The following HEATR5B variants were observed in gnomAD, a reference collection of about 807,000 sequenced individuals.
The protein encoded by HEATR5B is HEAT repeat containing 5B.
HEATR5B carries 156 observed loss-of-function variants against 224.1 expected under a neutral mutation model. The observed-to-expected ratio is 0.70, with a 90% CI of 0.61 to 0.80. The LOEUF is 0.80. Ranked by LOEUF, HEATR5B falls within the 30% of genes least tolerant of loss-of-function variation. The pLI, the probability that HEATR5B is intolerant of heterozygous loss-of-function variation, is 0.00. For synonymous variants in HEATR5B, 1,027 were observed against 893.0 expected, an observed-to-expected ratio of 1.15 and a Z score of -2.68; for missense variants, 2,323 against 2,535.5, an observed-to-expected ratio of 0.92 and a Z score of 1.80.
At chr2:36,989,712 AG>A (rs532208419) in intron 34 of HEATR5B, among the ~76,000 whole-genome samples, 281 of 152,232 alleles carry the variant, frequency 1.8e-3, no homozygotes, top group African/African-American at 6.4e-3. Context: ...GAAGAGAGGG[AG>A]GGAAGTCCCA....
chr2:37,005,302 A>C (rs1667342154), intron 30 of HEATR5B, among the ~76,000 whole-genome samples: 1 of 152,154 alleles, frequency 6.6e-6, no homozygotes, highest in Non-Finnish European at 1.5e-5. Flanking sequence ...CACTCTGAGA[A>C]ACCATCCTTT....
At chr2:36,994,886 G>T (rs1389642066) in intron 33 of HEATR5B, among the ~76,000 whole-genome samples, 3 of 151,880 alleles carry the variant, frequency 2.0e-5, no homozygotes, top group Non-Finnish European at 4.4e-5. Context: ...GAGTAGCTGG[G>T]ATTACAGGTG....
In HEATR5B at chr2:37,058,499, A is replaced by C; in HGVS notation, c.2011T>G (p.Leu671Val). ...AAAGCCAAGATATCATAAAGTCTTA[A>C]ACGGACCATTGCAGCACTAGCTTTC... ...HLKASAAMVR[L>V]RLYDILALLP... The change falls in exon 14 of 36, where the codon TTA becomes GTA. Residue 671 changes from leucine to valine, a missense_variant. Leu to Val is a conservative substitution (Grantham distance 32, BLOSUM62 1). Coordinates refer to ENST00000233099, the MANE Select transcript of HEATR5B (RefSeq NM_019024.3). 1 of 1,613,524 alleles carries C rather than the reference A, an allele frequency of 6.2e-7. No individual in the cohort carries two copies.
At chr2:37,019,031 G>A (rs1274442575) in intron 26 of HEATR5B, among the ~76,000 whole-genome samples, 4 of 151,946 alleles carry the variant, frequency 2.6e-5, no homozygotes, top group African/African-American at 9.7e-5. Context: ...GTGGTGGCGG[G>A]CACCTAATCC....
chr2:37,025,636 T>C (rs898697441), intron 24 of HEATR5B, among the ~76,000 whole-genome samples: 1 of 151,164 alleles, frequency 6.6e-6, no homozygotes, highest in Non-Finnish European at 1.5e-5. Context: ...AGATTACTAA[T>C]GAAGGCAGAA....
chr2:36,983,231 G>A (rs1044098636), intron 35 of HEATR5B, among the ~76,000 whole-genome samples: 1 of 152,034 alleles, frequency 6.6e-6, no homozygotes, highest in Non-Finnish European at 1.5e-5. Context: ...CATGTACAAT[G>A]TTAATAGTAT....
intron 30 of HEATR5B, 103 bp from the exon 31 acceptor site, chr2:37,003,789 G>C: frequency 1.3e-6 from 1 of 765,296 alleles, no homozygotes; most frequent in Non-Finnish European, 1.9e-6. Context: ...AAGAAATCAG[G>C]TAGCTAAAAT....
chr2:37,068,216 G>A (rs1231035702), intron 8 of HEATR5B, among the ~76,000 whole-genome samples: 3 of 152,130 alleles, frequency 2.0e-5, no homozygotes, highest in Admixed American at 6.6e-5. Flanking sequence ...AGAATTTCTT[G>A]TAATTATGTA....
chr2:37,010,613 A>G (rs1333355158), intron 27 of HEATR5B, among the ~76,000 whole-genome samples: 1 of 151,828 alleles, frequency 6.6e-6, no homozygotes. Flanking sequence ...TCCCGGGTTC[A>G]AGTGATTCTC....
At chr2:37,049,579 A>G (rs1670409469) in intron 18 of HEATR5B, 74 bp downstream of exon 18, 1 of 1,312,850 alleles carries the variant, frequency 7.6e-7, no homozygotes, top group Non-Finnish European at 1.1e-6. Context: ...TGGAAAACAT[A>G]AACTCCAGTT....
chr2:37,073,933 G>A (rs1030078695), intron 5 of HEATR5B, among the ~76,000 whole-genome samples: 9 of 152,206 alleles, frequency 5.9e-5, no homozygotes, highest in African/African-American at 2.2e-4. Flanking sequence ...AAACAGCACA[G>A]AGAGTCCAAA....
At chr2:37,059,336 C>T (rs1671106670) in intron 12 of HEATR5B, among the ~76,000 whole-genome samples, 2 of 136,212 alleles carry the variant, frequency 1.5e-5, no homozygotes, top group African/African-American at 2.8e-5. Flanking sequence ...ATAAACAATG[C>T]CTTAAAATTT....
At position 37,065,779 on chromosome 2, in the gene HEATR5B, G is replaced by C. The variant is rs1421985990; in HGVS notation, c.1309C>G (p.Pro437Ala). Residue 437 changes from proline to alanine, a missense_variant, in exon 9 of 36, where the codon CCT (proline) becomes GCT (alanine). By Grantham distance (27) the Pro-to-Ala change is conservative. This residue lies in a region of HEATR5B where 502 missense variants were observed against 517.8 expected (regional missense o/e 0.97). Transcript: ENST00000233099. ...LVQSLNATAS[P>A]LIQEASIGLL... ...CCTATAGATGCTTCTTGAATAAGAG[G>C]GGATGCGGTGGCATTCAAGCTCTGC... is the stretch of plus-strand genomic sequence containing the variant. 6.2e-7 allele frequency: 1 copy of C among 1,613,636 alleles called. No homozygotes were observed. The highest frequency in any genetic ancestry group is 8.5e-7 in the Non-Finnish European group (1 of 1,179,718).
intron 26 of HEATR5B, among the ~76,000 whole-genome samples, chr2:37,018,962 C>G (rs887361757): frequency 6.6e-6 from 1 of 152,000 alleles, no homozygotes; most frequent in Non-Finnish European, 1.5e-5. Context: ...GGGTTTGAGA[C>G]CAGCCTGACC....
At chr2:37,061,770 T>C (rs954059762) in intron 11 of HEATR5B, among the ~76,000 whole-genome samples, 169 bp downstream of exon 11, 2 of 152,216 alleles carry the variant, frequency 1.3e-5, no homozygotes, top group Admixed American at 6.5e-5. Context: ...AAGCAATAAT[T>C]ACCAAAAAGA....
intron 27 of HEATR5B, among the ~76,000 whole-genome samples, chr2:37,013,213 T>C (rs1473378716): frequency 2.0e-5 from 3 of 152,144 alleles, no homozygotes; most frequent in South Asian, 2.1e-4. Flanking sequence ...ACCACGAAAA[T>C]AGGGAAGTGA....
Position 36,995,429 on chromosome 2 carries a change from T to C in HEATR5B, c.5546-4630A>G, listed in dbSNP as rs1666632947. On this transcript the variant is annotated intron_variant, in intron 33 of 35. Coordinates refer to ENST00000233099, the MANE Select transcript of HEATR5B (RefSeq NM_019024.3). The stretch of plus-strand genomic sequence containing the variant: ...CACATATACATATATAAATATGGCT[T>C]TTAATGTTTCTTCAGTTTGTTAAAA... Among the ~76,000 whole-genome samples, 4 of 152,288 alleles carry C rather than the reference T, an allele frequency of 2.6e-5. No homozygotes were observed. In the South Asian group the frequency reaches 8.3e-4, roughly 32 times the overall value.
intron 22 of HEATR5B, among the ~76,000 whole-genome samples, chr2:37,030,156 AG>A (rs1669036186): frequency 6.6e-6 from 1 of 152,122 alleles, no homozygotes; most frequent in Non-Finnish European, 1.5e-5. Context: ...TGAACCCTGA[AG>A]GGAGTAAGAC....
rs1415999377 is a variant in HEATR5B at position 37,000,578 on chromosome 2, T to C, written c.5545+8A>G. On this transcript the variant is annotated splice_region_variant and intron_variant, in intron 33 of 35. Transcript: ENST00000233099. The stretch of plus-strand genomic sequence containing the variant: ...AACTAACTAAAACGTTTAAAACTGA[T>C]AGGTTACCTGGTTGAGAATATTCCA... 5 of 1,610,956 alleles carry C rather than the reference T, an allele frequency of 3.1e-6. No homozygotes were observed. Among genetic ancestry groups the C allele is most frequent in the Non-Finnish European group, 3.4e-6 (4 of 1,177,114 alleles).
Sources: gnomAD v4.1 joint callset for allele counts (sites outside exome capture counted in the v4.1 genomes callset) on GRCh38, gnomAD v4.1.1 for gene constraint, gnomAD v4.1.1 regional missense constraint, MANE v1.5 for transcripts, NCBI Gene and HGNC (gene_info 2026-07-23, HGNC 2026-07-21) for gene names.